Variants in CNTN1 observed in about 807,000 individuals in gnomAD.
The protein encoded by CNTN1 is contactin 1.
CNTN1 carries 38 observed loss-of-function variants against 126.4 expected under a neutral mutation model. The ratio of observed to expected loss-of-function variants is 0.30; its 90% CI spans 0.23 to 0.39. The LOEUF (loss-of-function observed/expected upper bound fraction) is 0.39. Among genes scored for constraint, CNTN1 ranks in the 10% least tolerant of loss-of-function variants. The pLI, the probability that CNTN1 is intolerant of heterozygous loss-of-function variation, is 1.00. For synonymous variants in CNTN1, 413 were observed against 422.6 expected (o/e 0.98, Z 0.28); for missense variants, 1,009 against 1,248.4 (o/e 0.81, Z 2.89).
At chr12:40,863,975 TCCTTCTCCTTCTGCTTC>T (rs1218694530) in intron 1 of CNTN1, among the ~76,000 whole-genome samples, 1 of 123,868 alleles carries the variant, frequency 8.1e-6, no homozygotes, top group Non-Finnish European at 1.6e-5. Flanking sequence ...CTCCTCCTTC[TCCTTCTCCTTCTGCTTC>T]CCTTCCCTTC....
intron 1 of CNTN1, among the ~76,000 whole-genome samples, chr12:40,907,870 A>T (rs1944888566): frequency 6.6e-6 from 1 of 152,242 alleles, no homozygotes; most frequent in Admixed American, 6.5e-5. Flanking sequence ...AAATGCTAAC[A>T]TCATCACCCT....
At chr12:41,043,730 C>G (rs1417344328) in intron 23 of CNTN1, among the ~76,000 whole-genome samples, 1 of 151,856 alleles carries the variant, frequency 6.6e-6, no homozygotes, top group Admixed American at 6.6e-5. Context: ...TTCCCAATAG[C>G]AAAGACTTGG....
intron 1 of CNTN1, among the ~76,000 whole-genome samples, chr12:40,835,751 T>C (rs977211448): frequency 6.6e-6 from 1 of 151,826 alleles, no homozygotes; most frequent in Non-Finnish European, 1.5e-5. Flanking sequence ...ATTAAACTTC[T>C]GAGCCCAGGC....
At chr12:41,038,699 C>A (rs1051170974) in intron 23 of CNTN1, among the ~76,000 whole-genome samples, 1 of 152,180 alleles carries the variant, frequency 6.6e-6, no homozygotes, top group South Asian at 2.1e-4. Context: ...AGTCTTATTT[C>A]TCTAAGCAAA....
intron 4 of CNTN1, among the ~76,000 whole-genome samples, chr12:40,920,456 T>C (rs573340573): frequency 8.6e-5 from 13 of 151,476 alleles, no homozygotes; most frequent in African/African-American, 2.9e-4. Flanking sequence ...AGAAGACAGA[T>C]AGATGTTTAA....
At chr12:40,701,758 G>T (rs1941600970) in intron 1 of CNTN1, among the ~76,000 whole-genome samples, 1 of 152,032 alleles carries the variant, frequency 6.6e-6, no homozygotes, top group Non-Finnish European at 1.5e-5. Context: ...TCTAATTTTG[G>T]TTTCTGCACA....
intron 1 of CNTN1, among the ~76,000 whole-genome samples, chr12:40,844,770 T>C (rs1301241648): frequency 6.6e-6 from 1 of 152,156 alleles, no homozygotes; most frequent in East Asian, 1.9e-4. Context: ...GCATAAATAG[T>C]TAAAAGTGTA....
intron 1 of CNTN1, among the ~76,000 whole-genome samples, chr12:40,804,963 T>C (rs1354906939): frequency 6.6e-6 from 1 of 152,068 alleles, no homozygotes; most frequent in Non-Finnish European, 1.5e-5. Context: ...CGTTTCCTTC[T>C]TCAAAGATAT....
At chr12:40,792,077 G>T (rs955136459) in intron 1 of CNTN1, among the ~76,000 whole-genome samples, 2 of 152,008 alleles carry the variant, frequency 1.3e-5, no homozygotes, top group African/African-American at 4.8e-5. Flanking sequence ...AGAATTCATA[G>T]AAAAAAATTA....
intron 1 of CNTN1, among the ~76,000 whole-genome samples, chr12:40,697,980 G>A (rs1447643301): frequency 2.0e-5 from 3 of 152,200 alleles, no homozygotes; most frequent in African/African-American, 7.2e-5. Context: ...TATCCAGATG[G>A]TCCTTAACTC....
intron 23 of CNTN1, among the ~76,000 whole-genome samples, chr12:41,069,007 A>AATTTATTT (rs1340692241): frequency 3.9e-5 from 6 of 152,134 alleles, no homozygotes; most frequent in Non-Finnish European, 2.9e-5. Context: ...AATAATAATT[A>AATTTATTT]ATTTATTTAA....
chr12:40,693,106 C>T (rs1450495475), intron 1 of CNTN1, among the ~76,000 whole-genome samples: 1 of 152,164 alleles, frequency 6.6e-6, no homozygotes, highest in Non-Finnish European at 1.5e-5. Context: ...CTTGTTTGTC[C>T]CCTGACCCCT....
chr12:40,967,362 C>G (rs951285035), intron 15 of CNTN1, among the ~76,000 whole-genome samples: 3 of 151,692 alleles, frequency 2.0e-5, no homozygotes, highest in South Asian at 2.1e-4. Context: ...TGCCTGTAGT[C>G]CCCCCTGCTT....
In CNTN1 at chr12:40,897,334, T is replaced by C. The variant is rs147534059; in HGVS notation, c.-76-11023T>C. Among the ~76,000 whole-genome samples the C allele has an allele frequency of 7.7e-4, 117 of 152,322 alleles. 1 individual carries two copies. The highest frequency in any genetic ancestry group is 2.9e-3 in the East Asian group (15 of 5,180). ...CAAAAGGTAGATCCATCAAGTTTTC[T>C]CTAAAGCTTCTGCCTAACTAGGTGC... is the stretch of plus-strand genomic sequence containing the variant. On this transcript the variant is annotated intron_variant, in intron 1 of 23. Transcript: ENST00000551295.
At chr12:40,787,851 A>G (rs993120666) in intron 1 of CNTN1, among the ~76,000 whole-genome samples, 2 of 152,148 alleles carry the variant, frequency 1.3e-5, no homozygotes, top group Non-Finnish European at 1.5e-5. Flanking sequence ...TTAATAATTT[A>G]CTAAATTTTG....
chr12:40,923,052 A>G (rs1945507784), intron 5 of CNTN1, among the ~76,000 whole-genome samples: 1 of 151,596 alleles, frequency 6.6e-6, no homozygotes, highest in Admixed American at 6.6e-5. Flanking sequence ...TAAGGGGGTG[A>G]AAATTGTCTT....
chr12:40,973,947 G>A (rs555011373), intron 15 of CNTN1, among the ~76,000 whole-genome samples: 1 of 152,154 alleles, frequency 6.6e-6, no homozygotes, highest in East Asian at 1.9e-4. Flanking sequence ...AGAAAATATG[G>A]TCAGCTTACT....
intron 17 of CNTN1, among the ~76,000 whole-genome samples, chr12:41,010,754 G>A (rs1592398518): frequency 1.3e-5 from 2 of 152,178 alleles, no homozygotes; most frequent in African/African-American, 4.8e-5. Context: ...GGAAAGTATA[G>A]AGTAATTAAT....
chr12:40,963,516 G>A (rs1441263105), intron 15 of CNTN1, among the ~76,000 whole-genome samples: 1 of 151,506 alleles, frequency 6.6e-6, no homozygotes, highest in Non-Finnish European at 1.5e-5. Context: ...TATTTAAGAG[G>A]CCTTAAATAT....
Sources: gnomAD v4.1 joint callset for allele counts (sites outside exome capture counted in the v4.1 genomes callset) on GRCh38, gnomAD v4.1.1 for gene constraint, MANE v1.5 for transcripts, NCBI Gene and HGNC (gene_info 2026-07-23, HGNC 2026-07-21) for gene names.